Variants in STAG3 observed in about 807,000 individuals in gnomAD.
The protein encoded by STAG3 is STAG3 cohesin complex component, also known as cohesin subunit SA-3.
A neutral mutation model predicts 160.7 loss-of-function variants in STAG3; 101 were observed. The ratio of observed to expected loss-of-function variants is 0.63; its 90% CI spans 0.54 to 0.74. The LOEUF (loss-of-function observed/expected upper bound fraction) is 0.74. Among genes scored for constraint, STAG3 ranks in the 30% least tolerant of loss-of-function variants. The probability of loss-of-function intolerance (pLI) is 0.00; values close to 1 mark genes in which losing one functional copy is unlikely to be tolerated. For synonymous variants in STAG3, 519 were observed against 585.0 expected (o/e 0.89, Z 1.63); for missense variants, 1,188 against 1,517.4 (o/e 0.78, Z 3.61).
At chr7:100,191,607 A>T (rs1800346906) in intron 8 of STAG3, among the ~76,000 whole-genome samples, 1 of 152,226 alleles carries the variant, frequency 6.6e-6, no homozygotes, top group African/African-American at 2.4e-5. Flanking sequence ...AAAAATGCTA[A>T]TGACAATCTG....
At position 100,213,751 on chromosome 7, in the gene STAG3, C is replaced by A. The variant is rs749884932; in HGVS notation, c.3617C>A (p.Ser1206Tyr). 1 of 1,614,250 alleles carries A rather than the reference C, an allele frequency of 6.2e-7. No individual in the cohort carries two copies. Among genetic ancestry groups the A allele is most frequent in the Non-Finnish European group, 8.5e-7 (1 of 1,180,038 alleles). The change falls in exon 33 of 34, where the codon TCT (serine) becomes TAT (tyrosine). Residue 1206 changes from serine to tyrosine, a missense_variant. Physicochemically the swap from Ser to Tyr is moderately radical, Grantham distance 144. This residue lies in a region of STAG3 where 647 missense variants were observed against 717.2 expected (regional missense o/e 0.90). Coordinates refer to ENST00000615138, the MANE Select transcript of STAG3 (RefSeq NM_001282717.2). The part of the protein sequence containing the change: ...QDTDMQASSY[S>Y]STSERGLDLL... ...TCTCTCTAGCAAGCAAGTAGCTACT[C>A]TTCCACCAGTGAGCGCGGGCTGGAC...
intron 31 of STAG3, 78 bp from the exon 32 acceptor site, chr7:100,211,717 C>G (rs1474093955): frequency 6.6e-7 from 1 of 1,517,950 alleles, no homozygotes; most frequent in East Asian, 2.3e-5. Context: ...CCCACTTCCC[C>G]CACCCCGGGT....
In STAG3 at chr7:100,177,955, C is replaced by G. The variant is rs1410619057; in HGVS notation, c.-115C>G. On this transcript the variant is annotated 5_prime_UTR_variant, in exon 1 of 34. Coordinates refer to ENST00000615138, the MANE Select transcript of STAG3 (RefSeq NM_001282717.2). ...TCTTTCGCCCCCGGAAGGGCAGCGG[C>G]GGGCGCCTGTGTGGAAGGTGGGGTG... 6.6e-6 allele frequency: 1 copy of G among 152,442 alleles called. No individual in the cohort carries two copies. The highest frequency in any genetic ancestry group is 2.4e-5 in the African/African-American group (1 of 41,466). 9.4% of individuals were successfully genotyped at this position (152,442 alleles called of 1,614,324 possible).
rs533484503 is a variant in STAG3 at position 100,205,574 on chromosome 7, G to A, written c.3238+190G>A. Among the ~76,000 whole-genome samples the A allele has an allele frequency of 2.0e-5, 3 of 152,292 alleles. No homozygotes were observed. The East Asian group carries it at 5.8e-4, about 29-fold the overall frequency. ...GGGCCAGGTGTGGTGGCTCATGCCTGCAATCCCAGCACTTTGGGAGGCCGA... is the reference window on the plus strand; with the variant it reads ...GGGCCAGGTGTGGTGGCTCATGCCTACAATCCCAGCACTTTGGGAGGCCGA... On this transcript the variant is annotated intron_variant, in intron 29 of 33. Transcript: ENST00000615138.
chr7:100,193,771 G>A (rs1800488544), intron 8 of STAG3, among the ~76,000 whole-genome samples: 3 of 152,104 alleles, frequency 2.0e-5, no homozygotes, highest in African/African-American at 7.2e-5. Context: ...AACTGTCTCT[G>A]TATCAGCAAT....
At chr7:100,205,654 A>AC (rs1339507825) in intron 29 of STAG3, among the ~76,000 whole-genome samples, 3 of 151,784 alleles carry the variant, frequency 2.0e-5, no homozygotes, top group Admixed American at 1.3e-4. Flanking sequence ...AGATGGTGAA[A>AC]CCCCGTCTCT....
chr7:100,194,383 G>A (rs1243357690), intron 8 of STAG3, among the ~76,000 whole-genome samples: 8 of 151,998 alleles, frequency 5.3e-5, no homozygotes, highest in Non-Finnish European at 1.0e-4. Context: ...GAGGCCTGAG[G>A]AGAGAGAGAG....
intron 9 of STAG3, 42 bp downstream of exon 9, chr7:100,195,424 G>C (rs1490257420): frequency 6.3e-7 from 1 of 1,581,298 alleles, no homozygotes. Flanking sequence ...CTGGCCTTTG[G>C]TTATGGAATC....
At position 100,189,080 on chromosome 7, in the gene STAG3, G is replaced by A. The variant is rs1800200224; in HGVS notation, c.715+64G>A. 26 of 1,565,592 alleles carry A rather than the reference G, an allele frequency of 1.7e-5. No homozygotes were observed. The South Asian group carries it at 2.7e-4, about 16-fold the overall frequency. On this transcript the variant is annotated intron_variant, in intron 7 of 33. Transcript: ENST00000615138. ...TTTATAGGACTTTCCTCTGTTCTCT[G>A]ATTCAGGATCTTCTTTCCTACCTGC...
intron 4 of STAG3, 147 bp downstream of exon 4, chr7:100,182,986 A>T: frequency 2.2e-6 from 2 of 892,802 alleles, no homozygotes; most frequent in South Asian, 2.9e-5. Context: ...CCTTGGAGTG[A>T]TAGAAGGGTA....
chr7:100,187,074 C>T (rs962231195), intron 5 of STAG3, among the ~76,000 whole-genome samples: 2 of 151,968 alleles, frequency 1.3e-5, no homozygotes, highest in Admixed American at 6.6e-5. Flanking sequence ...CTCTGTTGCC[C>T]AGGCTAGAGT....
chr7:100,197,715 A>G (rs1562980250), intron 10 of STAG3, 63 bp from the exon 11 acceptor site: 1 of 1,336,868 alleles, frequency 7.5e-7, no homozygotes, highest in Non-Finnish European at 1.1e-6. Flanking sequence ...CTGGAGGCTT[A>G]GTAGGGGCGA....
chr7:100,190,306 C>G (rs866363812), intron 8 of STAG3, among the ~76,000 whole-genome samples: 3 of 152,306 alleles, frequency 2.0e-5, no homozygotes, highest in African/African-American at 7.2e-5. Flanking sequence ...TTTCTCCTCA[C>G]TCTCTGTTAG....
chr7:100,192,550 A>G (rs2117194947), intron 8 of STAG3, among the ~76,000 whole-genome samples: 1 of 152,258 alleles, frequency 6.6e-6, no homozygotes, highest in South Asian at 2.1e-4. Context: ...AAATAAGATA[A>G]AATGGTGAAT....
chr7:100,195,659 C>T (rs548276193), intron 9 of STAG3, among the ~76,000 whole-genome samples: 1 of 152,324 alleles, frequency 6.6e-6, no homozygotes, highest in African/African-American at 2.4e-5. Flanking sequence ...TCTGCCCCAA[C>T]TCCTCATCTT....
Position 100,213,736 on chromosome 7 carries a change from A to G in STAG3, c.3602A>G (p.Gln1201Arg). The G allele has an allele frequency of 1.2e-6, 2 of 1,614,228 alleles. No individual in the cohort carries two copies. The highest frequency in any genetic ancestry group is 1.7e-6 in the Non-Finnish European group (2 of 1,180,044). Reference protein sequence around the residue: ...SNEERQDTDMQASSYSSTSER... With the variant: ...SNEERQDTDMRASSYSSTSER... ...GACTTTTAACCTCATTCTCTCTAGCAAGCAAGTAGCTACTCTTCCACCAGT... is the reference window on the plus strand; with the variant it reads ...GACTTTTAACCTCATTCTCTCTAGCGAGCAAGTAGCTACTCTTCCACCAGT... Residue 1201 changes from glutamine to arginine, a missense_variant and splice_region_variant, in exon 33 of 34, where the codon CAA (glutamine) becomes CGA (arginine). By Grantham distance (43) the Gln-to-Arg change is conservative. Transcript: ENST00000615138.
At chr7:100,178,704 G>C (rs1799435710) in intron 1 of STAG3, among the ~76,000 whole-genome samples, 1 of 151,882 alleles carries the variant, frequency 6.6e-6, no homozygotes, top group South Asian at 2.1e-4. Context: ...GGGATTATAG[G>C]CGGGAGCACT....
intron 26 of STAG3, 132 bp from the exon 27 acceptor site, chr7:100,204,495 G>C (rs964967225): frequency 8.9e-7 from 1 of 1,128,328 alleles, no homozygotes; most frequent in Non-Finnish European, 1.2e-6. Flanking sequence ...TCCCTAGAAG[G>C]AAGGAAAGAG....
In STAG3 at chr7:100,211,077, T is replaced by TCCCCCCCCCCCC; in HGVS notation, c.3308_3309insCCCCCCCCCCCC (p.Pro1104_Thr1105insProProProPro). On this transcript the variant is annotated inframe_insertion, in exon 30 of 34. Coordinates refer to ENST00000615138, the MANE Select transcript of STAG3 (RefSeq NM_001282717.2). ...GAAGAAAGTCTGCAGCTGAACAGCA[T>TCCCCCCCCCCCC]CCCGCCCACGCCCACCCTCACCTCC... The TCCCCCCCCCCCC allele has an allele frequency of 1.2e-6, 2 of 1,600,792 alleles. No homozygotes were observed. The highest frequency in any genetic ancestry group is 1.7e-6 in the Non-Finnish European group (2 of 1,168,814).
Sources: allele counts gnomAD v4.1 joint callset (sites outside exome capture counted in the v4.1 genomes callset), GRCh38; gene constraint gnomAD v4.1.1; regional missense constraint gnomAD v4.1.1; transcripts MANE v1.5; gene names NCBI Gene and HGNC (gene_info 2026-07-23, HGNC 2026-07-21).